The following GALNT17 variants were observed in gnomAD, a reference collection of about 807,000 sequenced individuals.
GALNT17 encodes polypeptide N-acetylgalactosaminyltransferase 17.
GALNT17 carries 29 observed loss-of-function variants against 63.7 expected under a neutral mutation model. The ratio of observed to expected loss-of-function variants is 0.46; its 90% CI spans 0.34 to 0.62. The LOEUF is 0.62. Ranked by LOEUF, GALNT17 falls within the 20% of genes least tolerant of loss-of-function variation. GALNT17 has a pLI of 0.01. For missense variants in GALNT17, 603 were observed against 799.6 expected, an observed-to-expected ratio of 0.75 and a Z score of 2.97; for synonymous variants, 305 against 318.3, an observed-to-expected ratio of 0.96 and a Z score of 0.45.
chr7:71,313,844 C>T (rs1791454582), intron 1 of GALNT17, among the ~76,000 whole-genome samples: 2 of 151,904 alleles, frequency 1.3e-5, no homozygotes, highest in Non-Finnish European at 1.5e-5. Context: ...TTGCAGAGCC[C>T]CCTCAGAAAC....
At chr7:71,251,111 G>T (rs934337543) in intron 1 of GALNT17, among the ~76,000 whole-genome samples, 3 of 152,092 alleles carry the variant, frequency 2.0e-5, no homozygotes, top group African/African-American at 7.2e-5. Flanking sequence ...TTGGTGTGCT[G>T]CACCCATTAA....
intron 5 of GALNT17, among the ~76,000 whole-genome samples, chr7:71,455,973 C>T (rs577293554): frequency 3.3e-5 from 5 of 152,290 alleles, no homozygotes; most frequent in East Asian, 3.9e-4. Flanking sequence ...AGGCCGGGGA[C>T]GGTGGCTCAC....
chr7:71,458,498 C>G (rs1385853611), intron 5 of GALNT17, among the ~76,000 whole-genome samples: 3 of 152,180 alleles, frequency 2.0e-5, no homozygotes, highest in Non-Finnish European at 2.9e-5. Flanking sequence ...ACATTTAGCT[C>G]AGTTGCAGTG....
At chr7:71,175,299 A>G (rs552988118) in intron 1 of GALNT17, among the ~76,000 whole-genome samples, 55 of 152,044 alleles carry the variant, frequency 3.6e-4, no homozygotes, top group Admixed American at 2.9e-3. Context: ...TCTATTATCT[A>G]TCTGTCTCAA....
chr7:71,385,195 G>C lies in GALNT17; in HGVS notation c.423-3040G>C, dbSNP rs2960864. ...ACAGTTTCGCCCATGTGAGCCAAGC[G>C]ATACCGAGAAACCCAGGTAGACCCT... On this transcript the variant is annotated intron_variant, in intron 2 of 10. Coordinates refer to ENST00000333538, the MANE Select transcript of GALNT17 (RefSeq NM_022479.3). Among the ~76,000 whole-genome samples the C allele has an allele frequency of 2.7e-3, 410 of 152,194 alleles. 2 individuals are homozygous for C. Among genetic ancestry groups the C allele is most frequent in the African/African-American group, 9.3e-3 (386 of 41,546 alleles).
rs369007680 is a variant in GALNT17 at position 71,375,384 on chromosome 7, G to A, written c.423-12851G>A. On this transcript the variant is annotated intron_variant, in intron 2 of 10. Coordinates refer to ENST00000333538, the MANE Select transcript of GALNT17 (RefSeq NM_022479.3). ...GTTTGGAGCTCTGTAAAGGGCCAAAGAGGTTGGAGGGTGAGACATTGAGTG... is the reference window on the plus strand; with the variant it reads ...GTTTGGAGCTCTGTAAAGGGCCAAAAAGGTTGGAGGGTGAGACATTGAGTG... 2.9e-4 allele frequency among the ~76,000 whole-genome samples: 44 copies of A among 152,222 alleles called. 2 individuals are homozygous for A. Among genetic ancestry groups the A allele is most frequent in the East Asian group, 1.9e-3 (10 of 5,142 alleles).
intron 1 of GALNT17, among the ~76,000 whole-genome samples, chr7:71,220,940 A>G (rs140622594): frequency 4.6e-5 from 7 of 152,266 alleles, no homozygotes; most frequent in African/African-American, 1.2e-4. Flanking sequence ...CCAAATACCC[A>G]TATCTATAGA....
rs756973601 is a variant in GALNT17, at chr7:71,710,956, C to A, written c.1668+28C>A. The stretch of plus-strand genomic sequence containing the variant: ...GAGTGCTGTATGGACAGAGCCAGCA[C>A]CCAGAGTAGCTGCAAGAGGCTGCAG... On this transcript the variant is annotated intron_variant, in intron 10 of 10. Coordinates refer to ENST00000333538, the MANE Select transcript of GALNT17 (RefSeq NM_022479.3). 3.1e-6 allele frequency: 5 copies of A among 1,608,300 alleles called. No homozygotes were observed. In the African/African-American group the frequency reaches 4.0e-5, roughly 13 times the overall value.
chr7:71,644,424 A>G (rs970463045), intron 6 of GALNT17, among the ~76,000 whole-genome samples: 2 of 150,618 alleles, frequency 1.3e-5, no homozygotes, highest in Non-Finnish European at 2.9e-5. Flanking sequence ...AATCCAAGCT[A>G]CTTGGGAGGC....
In GALNT17 at chr7:71,334,754, T is replaced by G. The variant is rs150018500; in HGVS notation, c.239-796T>G. ...TGGGTTTTTTCCTCTCCTCTGTGAT[T>G]TATTCTCAAACATTTTGTATTTCCT... On this transcript the variant is annotated intron_variant, in intron 1 of 10. Transcript: ENST00000333538. Among the ~76,000 whole-genome samples, 658 of 152,324 alleles carry G rather than the reference T, an allele frequency of 4.3e-3. 2 individuals are homozygous for G. Among genetic ancestry groups the G allele is most frequent in the Non-Finnish European group, 7.2e-3 (487 of 68,032 alleles).
At chr7:71,184,955 C>CCTCA (rs1788811129) in intron 1 of GALNT17, among the ~76,000 whole-genome samples, 1 of 98,910 alleles carries the variant, frequency 1.0e-5, no homozygotes, top group Admixed American at 1.2e-4. Context: ...TTCCTTCCTT[C>CCTCA]CTTCCTTCCT....
intron 1 of GALNT17, among the ~76,000 whole-genome samples, chr7:71,265,808 A>G (rs981949840): frequency 6.6e-6 from 1 of 152,216 alleles, no homozygotes; most frequent in African/African-American, 2.4e-5. Context: ...GGAGTTCAGT[A>G]TTAATCTTTT....
intron 9 of GALNT17, among the ~76,000 whole-genome samples, chr7:71,677,561 C>T (rs1192482573): frequency 1.3e-5 from 2 of 150,984 alleles, no homozygotes; most frequent in African/African-American, 2.4e-5. Context: ...GTCCTCCAGG[C>T]TGGAGTGCAG....
chr7:71,181,305 C>T (rs1301485628), intron 1 of GALNT17, among the ~76,000 whole-genome samples: 2 of 151,120 alleles, frequency 1.3e-5, no homozygotes, highest in East Asian at 3.9e-4. Flanking sequence ...GTGCACCAAC[C>T]TAATATTAAT....
chr7:71,655,267 T>G (rs4719160), intron 6 of GALNT17, among the ~76,000 whole-genome samples: 122,120 of 151,994 alleles, frequency 0.8, 52,737 homozygotes, highest in East Asian at 0.99. Flanking sequence ...AAAAAAAGAA[T>G]CAAAGAAAAA....
At chr7:71,583,395 C>T (rs965167157) in intron 6 of GALNT17, among the ~76,000 whole-genome samples, 1 of 152,154 alleles carries the variant, frequency 6.6e-6, no homozygotes, top group African/African-American at 2.4e-5. Flanking sequence ...CATCTGGCCA[C>T]CTGTTTGCCT....
chr7:71,489,751 T>C (rs1263778271), intron 5 of GALNT17, among the ~76,000 whole-genome samples: 3 of 152,266 alleles, frequency 2.0e-5, no homozygotes, highest in African/African-American at 7.2e-5. Context: ...ATGTAGCTTA[T>C]ACAGCATTTT....
At chr7:71,363,646 G>T (rs148966822) in intron 2 of GALNT17, among the ~76,000 whole-genome samples, 1 of 152,150 alleles carries the variant, frequency 6.6e-6, no homozygotes, top group Non-Finnish European at 1.5e-5. Context: ...AGTAACTTTC[G>T]TATAGCTGAT....
chr7:71,705,492 C>T (rs189770203), intron 9 of GALNT17, among the ~76,000 whole-genome samples: 1 of 152,202 alleles, frequency 6.6e-6, no homozygotes, highest in Admixed American at 6.5e-5. Flanking sequence ...TACCATATGG[C>T]CCAAGGATGA....
Sources: allele counts gnomAD v4.1 joint callset (sites outside exome capture counted in the v4.1 genomes callset), GRCh38; gene constraint gnomAD v4.1.1; transcripts MANE v1.5; gene names NCBI Gene and HGNC (gene_info 2026-07-23, HGNC 2026-07-21).